NRXN1: variants seen among roughly 807,000 people sequenced by gnomAD.
NRXN1 encodes neurexin 1, also known as neurexin-1.
In NRXN1, 39 loss-of-function variants were observed where a neutral mutation model predicts 150.9. The ratio of observed to expected loss-of-function variants is 0.26; its 90% CI spans 0.20 to 0.34. The LOEUF (loss-of-function observed/expected upper bound fraction) is 0.34. NRXN1 is among the 10% of genes least tolerant of loss of function. The probability of loss-of-function intolerance (pLI) is 1.00; values close to 1 mark genes in which losing one functional copy is unlikely to be tolerated. For synonymous variants in NRXN1, 924 were observed against 757.0 expected (o/e 1.22, Z -3.62); for missense variants, 1,815 against 1,949.9 (o/e 0.93, Z 1.30).
chr2:50,703,325 T>C lies in NRXN1; in HGVS notation c.833-79710A>G, dbSNP rs141113600. On this transcript the variant is annotated intron_variant, in intron 5 of 22. Coordinates refer to ENST00000401669, the MANE Select transcript of NRXN1 (RefSeq NM_001330078.2). ...ATGTTTAACAGATCCAGGTAACTCT[T>C]TTTTGATGATTGCAGTAACAGATAA... Among the ~76,000 whole-genome samples, 732 of 152,218 alleles carry C rather than the reference T, an allele frequency of 4.8e-3. 5 individuals carry two copies. The highest frequency in any genetic ancestry group is 0.016 in the African/African-American group (677 of 41,568).
chr2:50,224,111 G>T (rs962655370), intron 18 of NRXN1, among the ~76,000 whole-genome samples: 3 of 151,934 alleles, frequency 2.0e-5, no homozygotes, highest in Non-Finnish European at 2.9e-5. Flanking sequence ...GGAATTCCAT[G>T]TTTAAGGAAT....
At chr2:50,825,157 A>C (rs1670278839) in intron 5 of NRXN1, among the ~76,000 whole-genome samples, 1 of 152,186 alleles carries the variant, frequency 6.6e-6, no homozygotes, top group South Asian at 2.1e-4. Flanking sequence ...CATGGGCTTG[A>C]ATTGTAACCG....
intron 22 of NRXN1, 136 bp downstream of exon 22, chr2:49,943,566 TAA>T (rs747332965): frequency 1.6e-5 from 11 of 667,444 alleles, no homozygotes; most frequent in Non-Finnish European, 3.0e-5. Flanking sequence ...ATGTAAAAAA[TAA>T]GAGTCCTCAT....
In NRXN1 at chr2:50,616,314, A is replaced by G. The variant is rs932203565; in HGVS notation, c.1320+3708T>C. On this transcript the variant is annotated intron_variant, in intron 8 of 22. Transcript: ENST00000401669. ...TGAGCTAATCTTATTTTATTTTGAA[A>G]TTTGATAATCACATACACAAAAGTA... The G allele has an allele frequency of 3.9e-5, 6 of 152,110 alleles. No individual in the cohort carries two copies. In the East Asian group the frequency reaches 7.7e-4, roughly 20 times the overall value. 9.4% of individuals were successfully genotyped at this position (152,110 alleles called of 1,614,324 possible).
intron 18 of NRXN1, among the ~76,000 whole-genome samples, chr2:50,193,313 C>A (rs1213482800): frequency 6.6e-6 from 1 of 152,166 alleles, no homozygotes; most frequent in African/African-American, 2.4e-5. Context: ...GTATCAAATT[C>A]AGCTGTTAAA....
At chr2:50,947,224 T>C (rs1445907964) in intron 2 of NRXN1, among the ~76,000 whole-genome samples, 3 of 152,054 alleles carry the variant, frequency 2.0e-5, no homozygotes, top group African/African-American at 7.2e-5. Flanking sequence ...AAAATCAACA[T>C]GATACCCTTT....
At chr2:50,315,249 C>G (rs746270843) in intron 17 of NRXN1, among the ~76,000 whole-genome samples, 1 of 151,946 alleles carries the variant, frequency 6.6e-6, no homozygotes, top group Non-Finnish European at 1.5e-5. Context: ...GCAGCAGCTC[C>G]GTTTTTCTCA....
chr2:50,898,584 T>C, intron 5 of NRXN1: 1 of 489,374 alleles, frequency 2.0e-6, no homozygotes, highest in South Asian at 1.5e-5. Context: ...TATTGTGCTC[T>C]TCCTAGGATT....
chr2:50,302,460 A>G (rs902654318), intron 17 of NRXN1, among the ~76,000 whole-genome samples: 3 of 152,184 alleles, frequency 2.0e-5, no homozygotes, highest in Non-Finnish European at 4.4e-5. Context: ...TGACAGTTAT[A>G]GATTACAAAG....
At chr2:50,799,003 C>T (rs1707225435) in intron 5 of NRXN1, among the ~76,000 whole-genome samples, 1 of 151,922 alleles carries the variant, frequency 6.6e-6, no homozygotes, top group Non-Finnish European at 1.5e-5. Flanking sequence ...CAGTTTTTAC[C>T]ATTGAAAGTA....
At chr2:50,777,114 T>G (rs1247942031) in intron 5 of NRXN1, among the ~76,000 whole-genome samples, 1 of 152,166 alleles carries the variant, frequency 6.6e-6, no homozygotes, top group Non-Finnish European at 1.5e-5. Flanking sequence ...TGAAAATGTG[T>G]ATTCTCAGAT....
chr2:50,196,983 A>G (rs2061815271), intron 18 of NRXN1, among the ~76,000 whole-genome samples: 1 of 152,178 alleles, frequency 6.6e-6, no homozygotes, highest in Admixed American at 6.6e-5. Flanking sequence ...TGGTGATTAA[A>G]TGATCTGTCC....
intron 17 of NRXN1, among the ~76,000 whole-genome samples, chr2:50,325,096 G>A (rs140520842): frequency 1.3e-5 from 2 of 152,262 alleles, no homozygotes; most frequent in Non-Finnish European, 2.9e-5. Flanking sequence ...GAGGGGAGAA[G>A]ACCTAACATT....
At chr2:50,031,042 A>G (rs764879283) in intron 21 of NRXN1, among the ~76,000 whole-genome samples, 4 of 152,070 alleles carry the variant, frequency 2.6e-5, no homozygotes, top group Non-Finnish European at 5.9e-5. Context: ...AGCACTACCC[A>G]CAGTGGGACT....
chr2:50,348,883 A>G (rs1575177619), intron 17 of NRXN1, among the ~76,000 whole-genome samples: 1 of 152,156 alleles, frequency 6.6e-6, no homozygotes, highest in Non-Finnish European at 1.5e-5. Context: ...AAAGAAAGCA[A>G]CATTGAACAG....
At chr2:49,930,574 C>T (rs922578840) in intron 22 of NRXN1, among the ~76,000 whole-genome samples, 1 of 152,182 alleles carries the variant, frequency 6.6e-6, no homozygotes, top group African/African-American at 2.4e-5. Context: ...AACCGTATAT[C>T]ACATCACAAA....
chr2:50,171,422 G>T (rs192723027), intron 18 of NRXN1, among the ~76,000 whole-genome samples: 13 of 144,926 alleles, frequency 9.0e-5, no homozygotes, highest in African/African-American at 3.0e-4. Context: ...TCATTTTTAG[G>T]CCCCATTAAT....
intron 8 of NRXN1, among the ~76,000 whole-genome samples, chr2:50,589,744 C>A (rs1264270687): frequency 1.4e-5 from 2 of 141,470 alleles, no homozygotes; most frequent in Non-Finnish European, 3.1e-5. Flanking sequence ...ACTGTTATAG[C>A]CAGACACACC....
chr2:51,030,906 C>G (rs1671439489), intron 1 of NRXN1, among the ~76,000 whole-genome samples: 1 of 151,202 alleles, frequency 6.6e-6, no homozygotes, highest in African/African-American at 2.4e-5. Context: ...GTGTGTAACT[C>G]TGTTGGAGCC....
Sources: gnomAD v4.1 joint callset for allele counts (sites outside exome capture counted in the v4.1 genomes callset) on GRCh38, gnomAD v4.1.1 for gene constraint, MANE v1.5 for transcripts, NCBI Gene and HGNC (gene_info 2026-07-23, HGNC 2026-07-21) for gene names.